The following GABRG1 variants were observed in gnomAD, a reference collection of about 807,000 sequenced individuals.
GABRG1 encodes gamma-aminobutyric acid type A receptor subunit gamma1.
GABRG1 carries 49 observed loss-of-function variants against 49.8 expected under a neutral mutation model. That is an observed-to-expected ratio of 0.98 (90% CI 0.78 to 1.25). The LOEUF (loss-of-function observed/expected upper bound fraction) is 1.25. Ranked by LOEUF, GABRG1 falls within the 50% of genes most tolerant of loss-of-function variation. The pLI is 0.00. For synonymous variants in GABRG1, 232 were observed against 185.1 expected (o/e 1.25, Z -2.06); for missense variants, 552 against 552.3 (o/e 1.00, Z 0.01).
Position 46,054,963 on chromosome 4 carries a change from C to T in GABRG1, c.916+3254G>A, listed in dbSNP as rs572607849. Among the ~76,000 whole-genome samples the T allele has an allele frequency of 3.8e-4, 35 of 92,400 alleles. 7 individuals are homozygous for T. The South Asian group carries it at 9.6e-3, about 25-fold the overall frequency. The allele number at this position is 92,400 out of a possible 152,430, so 60.6% of individuals were successfully genotyped here. A position where few individuals can be genotyped will look rare whatever the true frequency, so the allele number is the denominator to read the frequency against. ...GGAATGCTTCCAGTTTTTGCCCATT[C>T]AGTATGATATTGGCTGTGGGTTTGT... On this transcript the variant is annotated intron_variant, in intron 7 of 8. Transcript: ENST00000295452.
intron 1 of GABRG1, among the ~76,000 whole-genome samples, chr4:46,098,560 C>T (rs1720267914): frequency 1.3e-5 from 2 of 151,738 alleles, no homozygotes; most frequent in African/African-American, 2.4e-5. Context: ...CTCCTTTTAT[C>T]CGTAAACTCT....
intron 1 of GABRG1, among the ~76,000 whole-genome samples, chr4:46,102,623 C>A (rs1209210599): frequency 6.6e-6 from 1 of 151,584 alleles, no homozygotes; most frequent in African/African-American, 2.4e-5. Context: ...TCAATTGCAA[C>A]CTGTACTTAT....
intron 1 of GABRG1, among the ~76,000 whole-genome samples, chr4:46,120,840 G>A (rs10212785): frequency 0.56 from 84,524 of 151,498 alleles, 24,990 homozygotes; most frequent in African/African-American, 0.75. Flanking sequence ...CTCTTTCAAT[G>A]TATAACTCTT....
intron 2 of GABRG1, 46 bp from the exon 3 acceptor site, chr4:46,084,099 T>G: frequency 9.6e-7 from 1 of 1,043,814 alleles, no homozygotes; most frequent in South Asian, 1.4e-5. Flanking sequence ...TGATTAGACA[T>G]TGTTTTAAAT....
At chr4:46,072,525 T>C (rs1560359186) in intron 3 of GABRG1, among the ~76,000 whole-genome samples, 1 of 152,128 alleles carries the variant, frequency 6.6e-6, no homozygotes, top group Non-Finnish European at 1.5e-5. Flanking sequence ...CTCCATCTCA[T>C]GTTCTCTATG....
chr4:46,076,353 G>T, intron 3 of GABRG1, among the ~76,000 whole-genome samples: 3 of 95,044 alleles, frequency 3.2e-5, no homozygotes, highest in Admixed American at 1.3e-4. Context: ...ATTTATCTTA[G>T]GTCATGTTCA....
At chr4:46,114,675 A>C (rs1464375468) in intron 1 of GABRG1, among the ~76,000 whole-genome samples, 1 of 151,000 alleles carries the variant, frequency 6.6e-6, no homozygotes, top group Non-Finnish European at 1.5e-5. Flanking sequence ...AAAAAATTTA[A>C]ATCCTATTGT....
chr4:46,108,730 T>G (rs905856571), intron 1 of GABRG1, among the ~76,000 whole-genome samples: 1 of 150,950 alleles, frequency 6.6e-6, no homozygotes, highest in African/African-American at 2.4e-5. Flanking sequence ...TGAATGTGGA[T>G]TTTATAAGGT....
At chr4:46,056,142 T>TAAAA (rs1212876586) in intron 7 of GABRG1, among the ~76,000 whole-genome samples, 9 of 5,728 alleles carry the variant, frequency 1.6e-3, no homozygotes, top group African/African-American at 2.6e-3. Context: ...AAAAAATAAA[T>TAAAA]AAATAAATTA....
At chr4:46,046,041 T>G (rs17536106) in intron 8 of GABRG1, among the ~76,000 whole-genome samples, 8,166 of 152,092 alleles carry the variant, frequency 0.054, 359 homozygotes, top group African/African-American at 0.11. Flanking sequence ...ATGGTTACAA[T>G]GTAGTTGATT....
chr4:46,120,526 T>G, intron 1 of GABRG1, among the ~76,000 whole-genome samples: 1 of 151,740 alleles, frequency 6.6e-6, no homozygotes, highest in Non-Finnish European at 1.5e-5. Flanking sequence ...AAAAATCATT[T>G]TCCTCTCAGT....
At chr4:46,048,765 A>G (rs1337770501) in intron 8 of GABRG1, among the ~76,000 whole-genome samples, 2 of 151,754 alleles carry the variant, frequency 1.3e-5, no homozygotes, top group African/African-American at 4.8e-5. Context: ...TGAAAGAAAG[A>G]GTGAGAGAGA....
intron 5 of GABRG1, 36 bp from the exon 6 acceptor site, chr4:46,058,658 A>C (rs181182185): frequency 2.2e-4 from 340 of 1,547,154 alleles, no homozygotes; most frequent in Middle Eastern, 1.4e-3. Context: ...GCAAGATCCA[A>C]ATTTGATACC....
intron 8 of GABRG1, among the ~76,000 whole-genome samples, chr4:46,045,001 C>T (rs143615683): frequency 8.6e-5 from 13 of 151,964 alleles, no homozygotes; most frequent in Admixed American, 3.9e-4. Context: ...CGCAAACACA[C>T]GTATGAAAGT....
Position 46,089,649 on chromosome 4 carries a change from T to G in GABRG1, c.254-5596A>C, listed in dbSNP as rs533832650. Among the ~76,000 whole-genome samples, 3 of 152,182 alleles carry G rather than the reference T, an allele frequency of 2.0e-5. No individual in the cohort carries two copies. In the South Asian group the frequency reaches 6.2e-4, roughly 32 times the overall value. ...AAACTGTTTGGAAAGTCATAGAATC[T>G]ACTTGTAAAGTTGTTAAGAAGTAGG... On this transcript the variant is annotated intron_variant, in intron 2 of 8. Transcript: ENST00000295452.
chr4:46,065,731 C>CT (rs943434730), intron 3 of GABRG1, 147 bp from the exon 4 acceptor site: 241 of 576,798 alleles, frequency 4.2e-4, no homozygotes, highest in Admixed American at 7.3e-4. Flanking sequence ...TTATTTTAAA[C>CT]TTTTTTTTTG....
intron 3 of GABRG1, among the ~76,000 whole-genome samples, chr4:46,077,760 T>A (rs541348881): frequency 6.6e-6 from 1 of 151,844 alleles, no homozygotes; most frequent in South Asian, 2.1e-4. Flanking sequence ...ATTGTCACTA[T>A]AATAAATGGT....
At chr4:46,060,634 A>C (rs1718636719) in intron 5 of GABRG1, among the ~76,000 whole-genome samples, 1 of 152,172 alleles carries the variant, frequency 6.6e-6, no homozygotes, top group Non-Finnish European at 1.5e-5. Context: ...TAGTATATCC[A>C]TGTATTTTGC....
At chr4:46,065,304 G>T in intron 4 of GABRG1, 60 bp downstream of exon 4, 2 of 1,164,862 alleles carry the variant, frequency 1.7e-6, no homozygotes, top group South Asian at 1.5e-5. Context: ...ATTAAGAATT[G>T]ATTAAATATT....
Sources: gnomAD v4.1 joint callset for allele counts (sites outside exome capture counted in the v4.1 genomes callset) on GRCh38, gnomAD v4.1.1 for gene constraint, MANE v1.5 for transcripts, NCBI Gene and HGNC (gene_info 2026-07-23, HGNC 2026-07-21) for gene names.